The following PDZRN4 variants were observed in gnomAD, a reference collection of about 807,000 sequenced individuals.
The protein encoded by PDZRN4 is PDZ domain-containing RING finger protein 4.
Under a neutral mutation model 99.0 loss-of-function variants are expected in PDZRN4, and 70 were observed. The observed-to-expected ratio is 0.71, with a 90% CI of 0.58 to 0.86. PDZRN4 has a LOEUF of 0.86. Among genes scored for constraint, PDZRN4 ranks in the 40% least tolerant of loss-of-function variants. The pLI, the probability that PDZRN4 is intolerant of heterozygous loss-of-function variation, is 0.00. For synonymous variants in PDZRN4, 551 were observed against 501.6 expected, an observed-to-expected ratio of 1.10 and a Z score of -1.32; for missense variants, 1,474 against 1,331.2, an observed-to-expected ratio of 1.11 and a Z score of -1.67.
At chr12:41,249,248 G>A (rs941115066) in intron 3 of PDZRN4, among the ~76,000 whole-genome samples, 1 of 152,086 alleles carries the variant, frequency 6.6e-6, no homozygotes, top group Non-Finnish European at 1.5e-5. Flanking sequence ...GGCAAAAATC[G>A]CAAGTACTTC....
In PDZRN4 at chr12:41,191,478, C is replaced by T. The variant is rs1356532417; in HGVS notation, c.669C>T (p.Phe223=). The T allele has an allele frequency of 1.3e-6, 2 of 1,560,860 alleles. No homozygotes were observed. The highest frequency in any genetic ancestry group is 1.7e-6 in the Non-Finnish European group (2 of 1,145,978). ...TCTAGGATGGAGAGCATAAGCCATT[C>T]ACTATTGTGTTAGAAAGAGAAAATG... ...GHRRDGEHKP[F]TIVLERENDT... Residue 223 remains phenylalanine, a synonymous_variant, in exon 2 of 10, where the codon TTC becomes TTT. Transcript: ENST00000402685.
intron 3 of PDZRN4, among the ~76,000 whole-genome samples, chr12:41,372,406 C>T (rs1292874447): frequency 6.6e-6 from 1 of 152,030 alleles, no homozygotes; most frequent in African/African-American, 2.4e-5. Context: ...ATTAAATAAG[C>T]AATCACAAGA....
chr12:41,190,366 A>C (rs1950728553), intron 1 of PDZRN4, among the ~76,000 whole-genome samples: 1 of 152,248 alleles, frequency 6.6e-6, no homozygotes, highest in African/African-American at 2.4e-5. Flanking sequence ...AGGTAAATTT[A>C]CAAAACGGGA....
intron 3 of PDZRN4, among the ~76,000 whole-genome samples, chr12:41,480,925 G>T (rs1937662596): frequency 6.6e-6 from 1 of 150,612 alleles, no homozygotes; most frequent in African/African-American, 2.4e-5. Flanking sequence ...AACACTACAT[G>T]TCAGATAAAT....
chr12:41,460,392 G>A (rs1027266372), intron 3 of PDZRN4, among the ~76,000 whole-genome samples: 1 of 152,156 alleles, frequency 6.6e-6, no homozygotes, highest in Non-Finnish European at 1.5e-5. Flanking sequence ...TAATAGAGAA[G>A]CATTTCCTGA....
chr12:41,503,433 G>T (rs1938145271), intron 3 of PDZRN4, among the ~76,000 whole-genome samples: 4 of 152,050 alleles, frequency 2.6e-5, no homozygotes, highest in Non-Finnish European at 2.9e-5. Flanking sequence ...AATAGCCATT[G>T]ATCTTGACAT....
chr12:41,484,741 T>C (rs1280380462), intron 3 of PDZRN4, among the ~76,000 whole-genome samples: 1 of 152,204 alleles, frequency 6.6e-6, no homozygotes, highest in East Asian at 1.9e-4. Flanking sequence ...CTTTGGGCTA[T>C]TTACGTAACC....
At chr12:41,470,316 GA>G (rs920564233) in intron 3 of PDZRN4, among the ~76,000 whole-genome samples, 13 of 151,266 alleles carry the variant, frequency 8.6e-5, no homozygotes, top group African/African-American at 1.9e-4. Context: ...CTCCAGGAGA[GA>G]AAAAAAAATT....
chr12:41,412,096 T>C (rs1422247149), intron 3 of PDZRN4: 2 of 152,226 alleles, frequency 1.3e-5, no homozygotes, highest in Non-Finnish European at 2.9e-5. Context: ...AAGGGTCCAC[T>C]CATTGAAACT....
intron 3 of PDZRN4, among the ~76,000 whole-genome samples, chr12:41,284,207 T>C (rs186190964): frequency 5.2e-4 from 79 of 152,288 alleles, no homozygotes; most frequent in Non-Finnish European, 9.8e-4. Context: ...AGCATTCCTA[T>C]ACACCAATAA....
At chr12:41,381,039 A>G (rs571387718) in intron 3 of PDZRN4, among the ~76,000 whole-genome samples, 5 of 152,204 alleles carry the variant, frequency 3.3e-5, no homozygotes, top group Admixed American at 3.3e-4. Flanking sequence ...TATTTTAAAC[A>G]TATCACCCCA....
chr12:41,350,687 G>T (rs944968703), intron 3 of PDZRN4, among the ~76,000 whole-genome samples: 5 of 152,062 alleles, frequency 3.3e-5, no homozygotes, highest in African/African-American at 1.2e-4. Flanking sequence ...AGTCATGCAG[G>T]AAACAATAGA....
chr12:41,437,933 C>G (rs1952645185), intron 3 of PDZRN4: 2 of 1,613,756 alleles, frequency 1.2e-6, no homozygotes, highest in African/African-American at 2.7e-5. Flanking sequence ...CTCTCTCTCT[C>G]TGCTTCTTAG....
At chr12:41,412,493 T>C (rs955276711) in intron 3 of PDZRN4, 1 of 152,162 alleles carries the variant, frequency 6.6e-6, no homozygotes, top group Non-Finnish European at 1.5e-5. Context: ...GTTCTCTTTC[T>C]TTGGAAGGAG....
At chr12:41,322,238 C>G (rs1951683587) in intron 3 of PDZRN4, among the ~76,000 whole-genome samples, 1 of 151,872 alleles carries the variant, frequency 6.6e-6, no homozygotes, top group African/African-American at 2.4e-5. Context: ...ACCCTGTTGG[C>G]TAGGCTGGTC....
chr12:41,474,323 C>G (rs528460619), intron 3 of PDZRN4, among the ~76,000 whole-genome samples: 2 of 152,262 alleles, frequency 1.3e-5, no homozygotes, highest in East Asian at 3.9e-4. Context: ...TTGTCAAAGG[C>G]TATATTTTAA....
chr12:41,404,689 G>A (rs1364705832), intron 3 of PDZRN4, among the ~76,000 whole-genome samples: 1 of 151,206 alleles, frequency 6.6e-6, no homozygotes, highest in African/African-American at 2.4e-5. Flanking sequence ...CTGAAAAAGA[G>A]CATGAATAGC....
chr12:41,251,896 G>A (rs1335933333), intron 3 of PDZRN4, among the ~76,000 whole-genome samples: 1 of 152,066 alleles, frequency 6.6e-6, no homozygotes, highest in African/African-American at 2.4e-5. Flanking sequence ...CAGGCAGACA[G>A]CTAGAGCCAG....
intron 3 of PDZRN4, among the ~76,000 whole-genome samples, chr12:41,322,753 C>T (rs1405377572): frequency 6.6e-6 from 1 of 151,986 alleles, no homozygotes. Context: ...GCCTTGGCCT[C>T]CCAAAGTGCT....
Sources: allele counts gnomAD v4.1 joint callset (sites outside exome capture counted in the v4.1 genomes callset), GRCh38; gene constraint gnomAD v4.1.1; transcripts MANE v1.5; gene names NCBI Gene and HGNC (gene_info 2026-07-23, HGNC 2026-07-21).